ZDHHC7: variants seen among roughly 807,000 people sequenced by gnomAD.
ZDHHC7 encodes zDHHC palmitoyltransferase 7, also known as palmitoyltransferase ZDHHC7.
Under a neutral mutation model 34.1 loss-of-function variants are expected in ZDHHC7, and 12 were observed. The observed-to-expected ratio is 0.35, with a 90% CI of 0.23 to 0.57. The LOEUF (loss-of-function observed/expected upper bound fraction) is 0.57. ZDHHC7 is among the 20% of genes least tolerant of loss of function. The pLI is 0.84. For synonymous variants in ZDHHC7, 185 were observed against 155.4 expected, an observed-to-expected ratio of 1.19 and a Z score of -1.42; for missense variants, 388 against 402.7, an observed-to-expected ratio of 0.96 and a Z score of 0.31.
chr16:84,983,317 G>A (rs892486131), intron 3 of ZDHHC7, among the ~76,000 whole-genome samples: 2 of 152,224 alleles, frequency 1.3e-5, no homozygotes, highest in South Asian at 4.1e-4. Context: ...GGCCCTGCTG[G>A]AGCTCCTTAA....
chr16:84,985,974 A>T (rs1210795480), intron 3 of ZDHHC7, among the ~76,000 whole-genome samples: 1 of 151,806 alleles, frequency 6.6e-6, no homozygotes, highest in Non-Finnish European at 1.5e-5. Flanking sequence ...AAAAAAAAAA[A>T]AAGAATTGAG....
intron 3 of ZDHHC7, among the ~76,000 whole-genome samples, chr16:84,987,971 C>T (rs1356986135): frequency 6.6e-6 from 1 of 152,158 alleles, no homozygotes; most frequent in African/African-American, 2.4e-5. Context: ...AGATCGAGAC[C>T]ATCCTGGCTA....
In ZDHHC7 at chr16:84,976,255, T is replaced by A. The variant is rs953278860; in HGVS notation, c.*88A>T. 29 of 1,529,162 alleles carry A rather than the reference T, an allele frequency of 1.9e-5. No homozygotes were observed. The South Asian group carries it at 2.6e-4, about 14-fold the overall frequency. 94.7% of individuals were successfully genotyped at this position (1,529,162 alleles called of 1,614,324 possible). On this transcript the variant is annotated 3_prime_UTR_variant, in exon 8 of 8. Transcript: ENST00000313732. ...GTTTGTGTAGGTTCCAGTTGCCCTGTTGGTCACAGATGAGCTGTTGATATC... is the reference window on the plus strand; with the variant it reads ...GTTTGTGTAGGTTCCAGTTGCCCTGATGGTCACAGATGAGCTGTTGATATC...
At chr16:85,018,052 G>T in the ZDHHC7 span, among the ~76,000 whole-genome samples, 4 of 152,186 alleles carry the variant, frequency 2.6e-5, no homozygotes, top group African/African-American at 7.2e-5. Flanking sequence ...TGTATATTGA[G>T]GTCCTAGGAG....
chr16:85,011,173 C>A (rs1029735057), intron 1 of ZDHHC7, 113 bp downstream of exon 1: 1 of 152,324 alleles, frequency 6.6e-6, no homozygotes, highest in African/African-American at 2.4e-5. Context: ...AGGTGTGCGG[C>A]GGGGTGGAGA....
chr16:84,987,066 A>T (rs901798726), intron 3 of ZDHHC7, among the ~76,000 whole-genome samples: 1 of 152,188 alleles, frequency 6.6e-6, no homozygotes, highest in African/African-American at 2.4e-5. Flanking sequence ...GAAAGCCAGG[A>T]CTCAGAGAGA....
chr16:85,021,136 G>A, the ZDHHC7 span, among the ~76,000 whole-genome samples: 1 of 151,180 alleles, frequency 6.6e-6, no homozygotes, highest in Admixed American at 6.6e-5. Context: ...AAAGGGGGGG[G>A]TGCACAGTGG....
At chr16:85,003,610 A>AG (rs928393714) in intron 1 of ZDHHC7, among the ~76,000 whole-genome samples, 2 of 152,224 alleles carry the variant, frequency 1.3e-5, no homozygotes, top group Non-Finnish European at 2.9e-5. Flanking sequence ...AAGGAAAAAA[A>AG]AAATCCACAC....
the ZDHHC7 span, among the ~76,000 whole-genome samples, chr16:85,024,982 GA>G: frequency 6.6e-6 from 1 of 152,058 alleles, no homozygotes; most frequent in African/African-American, 2.4e-5. Context: ...TCTGTAAAAA[GA>G]ACCTAATCTG....
At chr16:85,020,644 G>C in the ZDHHC7 span, among the ~76,000 whole-genome samples, 1 of 152,134 alleles carries the variant, frequency 6.6e-6, no homozygotes, top group African/African-American at 2.4e-5. Flanking sequence ...ATTCTTTAAG[G>C]CCCTGCGAGG....
Position 84,981,953 on chromosome 16 carries a change from C to A in ZDHHC7, c.357G>T (p.Glu119Asp), listed in dbSNP as rs1158889425. The change falls in exon 4 of 8, where the codon GAG becomes GAT. Residue 119 changes from glutamate (E) to aspartate (D), a missense_variant. Physicochemically the swap from Glu to Asp is conservative, Grantham distance 45. Coordinates refer to ENST00000313732, the MANE Select transcript of ZDHHC7 (RefSeq NM_017740.3). ...PKGNATKEYMESLQLKPGEVI... is the reference protein window; with the variant it reads ...PKGNATKEYMDSLQLKPGEVI... ...CTTCCCCGGGCTTCAGCTGCAAGCT[C>A]TCCATGTATTCTTTCGTAGCGTTTC... 1 of 1,614,076 alleles carries A rather than the reference C, an allele frequency of 6.2e-7. No homozygotes were observed. The highest frequency in any genetic ancestry group is 1.3e-5 in the African/African-American group (1 of 74,932).
chr16:85,025,988 C>T, the ZDHHC7 span, among the ~76,000 whole-genome samples: 1 of 152,318 alleles, frequency 6.6e-6, no homozygotes, highest in Admixed American at 6.5e-5. Context: ...GTTTGCAGAA[C>T]TCACTTTCTT....
the ZDHHC7 span, among the ~76,000 whole-genome samples, chr16:85,021,276 G>A: frequency 2.6e-5 from 4 of 151,862 alleles, no homozygotes; most frequent in African/African-American, 7.3e-5. Context: ...GTTGGGTGTG[G>A]TGGCGCACAC....
In ZDHHC7 at chr16:84,979,103, G is replaced by C. The variant is rs533087659; in HGVS notation, c.537+86C>G. The stretch of plus-strand genomic sequence containing the variant: ...AAGGCTGGAGAGAAACTGGCCTGAC[G>C]TTAGTAGATTTCTCTGCTCCAGGCA... On this transcript the variant is annotated intron_variant, in intron 5 of 7. Coordinates refer to ENST00000313732, the MANE Select transcript of ZDHHC7 (RefSeq NM_017740.3). 5 of 1,333,662 alleles carry C rather than the reference G, an allele frequency of 3.7e-6. No homozygotes were observed. The Admixed American group carries it at 1.3e-4, about 35-fold the overall frequency. The allele number at this position is 1,333,662 out of a possible 1,614,324, so 82.6% of individuals were successfully genotyped here.
At chr16:85,008,506 C>CA (rs1358384012) in intron 1 of ZDHHC7, among the ~76,000 whole-genome samples, 1 of 144,756 alleles carries the variant, frequency 6.9e-6, no homozygotes, top group Non-Finnish European at 1.5e-5. Context: ...ACCTACACCC[C>CA]CCCCCAAAAA....
At chr16:84,984,011 A>C (rs2072404972) in intron 3 of ZDHHC7, among the ~76,000 whole-genome samples, 1 of 144,304 alleles carries the variant, frequency 6.9e-6, no homozygotes, top group Admixed American at 6.8e-5. Context: ...TACAATTTAG[A>C]GTCTTTTTTT....
intron 1 of ZDHHC7, chr16:85,004,860 GA>G (rs921436291): frequency 6.8e-6 from 1 of 146,564 alleles, no homozygotes; most frequent in African/African-American, 2.4e-5. Context: ...GAGTAGAAGA[GA>G]AATGCACAAG....
intron 1 of ZDHHC7, among the ~76,000 whole-genome samples, chr16:85,003,390 G>A (rs529158844): frequency 5.3e-5 from 8 of 152,288 alleles, no homozygotes; most frequent in East Asian, 1.9e-4. Context: ...GGGAGCTCAC[G>A]TCCTCCCTCA....
chr16:84,999,044 C>T (rs972989242), intron 1 of ZDHHC7, among the ~76,000 whole-genome samples: 3 of 152,192 alleles, frequency 2.0e-5, no homozygotes, highest in East Asian at 1.9e-4. Flanking sequence ...CGTGAGCCAC[C>T]GTGCCCAGCC....
Sources: allele counts gnomAD v4.1 joint callset (sites outside exome capture counted in the v4.1 genomes callset), GRCh38; gene constraint gnomAD v4.1.1; transcripts MANE v1.5; gene names NCBI Gene and HGNC (gene_info 2026-07-23, HGNC 2026-07-21).